The following CHLSN variants were observed in gnomAD, a reference collection of about 807,000 sequenced individuals.
The protein encoded by CHLSN is cholesin, also known as protein cholesin.
the CHLSN span, among the ~76,000 whole-genome samples, chr7:1,047,149 G>T: frequency 3.3e-4 from 50 of 152,362 alleles, 2 homozygotes; most frequent in African/African-American, 1.1e-3. Context: ...GTAAACAAAA[G>T]AATGCTGTTC....
chr7:1,110,232 C>T, the CHLSN span, among the ~76,000 whole-genome samples: 8 of 152,232 alleles, frequency 5.3e-5, no homozygotes, highest in African/African-American at 1.2e-4. Flanking sequence ...CAGAATACCT[C>T]GAGATGCCAG....
chr7:1,058,571 T>TGC, the CHLSN span: 1 of 705,936 alleles, frequency 1.4e-6, no homozygotes, highest in East Asian at 2.5e-5. Flanking sequence ...AGCACTTAGT[T>TGC]ACCCTGGACG....
chr7:1,038,840 T>C, the CHLSN span, among the ~76,000 whole-genome samples: 56 of 40,512 alleles, frequency 1.4e-3, no homozygotes, highest in East Asian at 3.3e-3. Flanking sequence ...GGTGGGGGGG[T>C]CAGCCCCCCG....
chr7:1,065,696 GC>G, the CHLSN span, among the ~76,000 whole-genome samples: 1 of 152,234 alleles, frequency 6.6e-6, no homozygotes, highest in Non-Finnish European at 1.5e-5. Context: ...GGTCTCCCTT[GC>G]CGGGGTGCTG....
the CHLSN span, among the ~76,000 whole-genome samples, chr7:1,086,639 C>G: frequency 1.3e-5 from 2 of 152,186 alleles, no homozygotes; most frequent in Admixed American, 1.3e-4. Context: ...CCCAGCACCC[C>G]ACTCTTGCAC....
chr7:1,067,287 T>G, the CHLSN span, among the ~76,000 whole-genome samples: 31 of 96,916 alleles, frequency 3.2e-4, no homozygotes, highest in Non-Finnish European at 5.7e-4. Context: ...GGTGCGGGTT[T>G]GGGGCACAGT....
the CHLSN span, among the ~76,000 whole-genome samples, chr7:1,032,926 C>T: frequency 6.6e-6 from 1 of 152,348 alleles, no homozygotes; most frequent in South Asian, 2.1e-4. Flanking sequence ...ACTACCCTGC[C>T]CGGATACCCC....
chr7:995,806 CT>C, the CHLSN span, among the ~76,000 whole-genome samples: 5 of 152,264 alleles, frequency 3.3e-5, no homozygotes, highest in African/African-American at 1.2e-4. Context: ...AAGGCCCGCC[CT>C]GGGCCAGTGG....
the CHLSN span, chr7:1,078,117 G>A: frequency 2.6e-5 from 4 of 152,220 alleles, no homozygotes; most frequent in African/African-American, 9.7e-5. Flanking sequence ...CTCTAGTCCT[G>A]TCTCCTGAAG....
the CHLSN span, among the ~76,000 whole-genome samples, chr7:994,157 TTTTATG>T: frequency 6.6e-6 from 1 of 152,118 alleles, no homozygotes; most frequent in Non-Finnish European, 1.5e-5. Flanking sequence ...TTACTTTTAT[TTTTATG>T]TATTTATTTT....
the CHLSN span, among the ~76,000 whole-genome samples, chr7:982,413 A>G: frequency 6.6e-5 from 10 of 152,348 alleles, no homozygotes; most frequent in South Asian, 2.1e-3. Context: ...AGGCTGTGCA[A>G]AGCAGGCCCG....
chr7:1,015,347 T>C, the CHLSN span, among the ~76,000 whole-genome samples: 1 of 152,134 alleles, frequency 6.6e-6, no homozygotes, highest in Non-Finnish European at 1.5e-5. Context: ...CAGCAGGTCT[T>C]TGTCAACCTG....
the CHLSN span, among the ~76,000 whole-genome samples, chr7:1,031,433 G>C: frequency 0.024 from 1,255 of 52,060 alleles, 1 homozygote; most frequent in Middle Eastern, 0.053. Flanking sequence ...TGGTCCGGGG[G>C]GGCAGAGACC....
the CHLSN span, among the ~76,000 whole-genome samples, chr7:1,097,313 C>G: frequency 6.6e-6 from 1 of 152,102 alleles, no homozygotes; most frequent in East Asian, 1.9e-4. This position sits in a 1 kb window ranked among gnomAD's most constrained non-coding sequence, Gnocchi z 4.3. Context: ...ACAGGTGATT[C>G]TGGTTGAGAC....
chr7:1,033,706 G>T, the CHLSN span, among the ~76,000 whole-genome samples: 3 of 152,206 alleles, frequency 2.0e-5, no homozygotes, highest in Non-Finnish European at 4.4e-5. Context: ...GGTAACGGAG[G>T]TGCCTCCTGA....
the CHLSN span, among the ~76,000 whole-genome samples, chr7:1,134,494 A>C: frequency 1.3e-5 from 2 of 151,952 alleles, no homozygotes; most frequent in African/African-American, 4.8e-5. Flanking sequence ...GAATCACTTG[A>C]AACTATGGAG....
chr7:987,009 A>AC, the CHLSN span: 1 of 1,397,912 alleles, frequency 7.2e-7, no homozygotes, highest in East Asian at 2.6e-5. Flanking sequence ...AGCCCAGATC[A>AC]CCGGGGCATC....
At chr7:1,101,834 G>A in the CHLSN span, among the ~76,000 whole-genome samples, 34,107 of 152,296 alleles carry the variant, frequency 0.22, 4,025 homozygotes, top group Middle Eastern at 0.36. Context: ...GGTGCGCGTC[G>A]CGGACACAGC....
the CHLSN span, chr7:1,127,308 C>A: frequency 6.2e-7 from 1 of 1,611,854 alleles, no homozygotes; most frequent in Non-Finnish European, 8.5e-7. Flanking sequence ...CCAGCAGTGG[C>A]CCCTCTGCTG....
Sources: allele counts gnomAD v4.1 joint callset (sites outside exome capture counted in the v4.1 genomes callset), GRCh38; gene constraint gnomAD v4.1.1; non-coding constraint Gnocchi (gnomAD v3.1); transcripts MANE v1.5; gene names NCBI Gene and HGNC (gene_info 2026-07-23, HGNC 2026-07-21).